Variants in MAST4 observed in about 807,000 individuals in gnomAD.
MAST4 encodes the protein microtubule associated serine/threonine kinase family member 4.
A neutral mutation model predicts 162.7 loss-of-function variants in MAST4; 89 were observed. The observed-to-expected ratio is 0.55, with a 90% CI of 0.46 to 0.65. The LOEUF is 0.65. Ranked by LOEUF, MAST4 falls within the 30% of genes least tolerant of loss-of-function variation. The pLI is 0.00. For synonymous variants in MAST4, 1,479 were observed against 1,361.1 expected, an observed-to-expected ratio of 1.09 and a Z score of -1.91; for missense variants, 3,153 against 3,374.0, an observed-to-expected ratio of 0.93 and a Z score of 1.62.
In MAST4 at chr5:67,004,056, T is replaced by C. The variant is rs564487663; in HGVS notation, c.675-50348T>C. 7 of 152,382 alleles carry C rather than the reference T, an allele frequency of 4.6e-5. No individual in the cohort carries two copies. In the East Asian group the frequency reaches 7.7e-4, roughly 17 times the overall value. The allele number at this position is 152,382 out of a possible 1,614,324, so 9.4% of individuals were successfully genotyped here. On this transcript the variant is annotated intron_variant, in intron 4 of 28. Coordinates refer to ENST00000403625, the MANE Select transcript of MAST4 (RefSeq NM_001164664.2). ...TCACTGCCATCCCTCCCGCGGTGAATCACAGGTCGGCCTCAGGTGCGCGCA... is the reference window on the plus strand; with the variant it reads ...TCACTGCCATCCCTCCCGCGGTGAACCACAGGTCGGCCTCAGGTGCGCGCA...
At chr5:67,132,072 GT>G in intron 16 of MAST4, 121 bp downstream of exon 16, 1 of 1,162,130 alleles carries the variant, frequency 8.6e-7, no homozygotes, top group Non-Finnish European at 1.2e-6. Context: ...TCCAAAATGA[GT>G]TGTTTTAACA....
chr5:66,750,876 C>G (rs1561304897), intron 1 of MAST4, among the ~76,000 whole-genome samples: 2 of 152,232 alleles, frequency 1.3e-5, no homozygotes, highest in Admixed American at 6.5e-5. Context: ...GCAGTAACCT[C>G]TGCAGACTTA....
chr5:66,747,971 G>C (rs550468578), intron 1 of MAST4, among the ~76,000 whole-genome samples: 30 of 152,292 alleles, frequency 2.0e-4, no homozygotes, highest in African/African-American at 7.2e-4. Flanking sequence ...ACCAAGGTTA[G>C]CACAGCAGAT....
intron 3 of MAST4, among the ~76,000 whole-genome samples, chr5:66,842,861 A>C (rs1325683551): frequency 6.6e-6 from 1 of 152,122 alleles, no homozygotes; most frequent in Non-Finnish European, 1.5e-5. Flanking sequence ...TTTCATGCAC[A>C]TTCTATTATT....
At position 67,149,591 on chromosome 5, in the gene MAST4, T is replaced by C; in HGVS notation, c.3295+2T>C. On this transcript the variant is annotated splice_donor_variant, in intron 24 of 28. Coordinates refer to ENST00000403625, the MANE Select transcript of MAST4 (RefSeq NM_001164664.2). LOFTEE classifies it high-confidence loss of function. ...CTCTTTCCCTCATGATCCCAGGAGG[T>C]AGAGAGATACTACTTGCATGAAATT... 6.2e-7 allele frequency: 1 copy of C among 1,612,710 alleles called. No individual in the cohort carries two copies.
At position 67,100,561 on chromosome 5, in the gene MAST4, A is replaced by T. The variant is rs773966482; in HGVS notation, c.1039A>T (p.Thr347Ser). 8 of 1,613,902 alleles carry T rather than the reference A, an allele frequency of 5.0e-6. No individual in the cohort carries two copies. In the East Asian group the frequency reaches 1.6e-4, roughly 31 times the overall value. ...SIATENRCRN[T>S]PMRPRSRSLS... The stretch of plus-strand genomic sequence containing the variant: ...CGCCACTGAGAACAGATGCAGGAAC[A>T]CGCCGATGCGCCCCCGTTCCCGAAG... Residue 347 changes from threonine (T) to serine (S), a missense_variant, in exon 8 of 29, where the codon ACG becomes TCG. Thr to Ser is a moderately conservative substitution (Grantham distance 58). Around this residue, in one of 7 missense-constraint regions of MAST4, gnomAD observed 360 missense variants for 450.0 expected, o/e 0.80. Coordinates refer to ENST00000403625, the MANE Select transcript of MAST4 (RefSeq NM_001164664.2).
intron 1 of MAST4, among the ~76,000 whole-genome samples, chr5:66,605,755 A>C (rs777521157): frequency 4.6e-5 from 7 of 152,142 alleles, no homozygotes; most frequent in Non-Finnish European, 7.4e-5. Context: ...GCCACGATGC[A>C]TGCAGATTCC....
At chr5:66,748,341 A>G (rs925592066) in intron 1 of MAST4, among the ~76,000 whole-genome samples, 1 of 150,956 alleles carries the variant, frequency 6.6e-6, no homozygotes, top group African/African-American at 2.4e-5. Context: ...GCCCTTCTTT[A>G]CTTGTTTATA....
At chr5:67,101,322 G>A (rs979526347) in intron 8 of MAST4, among the ~76,000 whole-genome samples, 6 of 152,216 alleles carry the variant, frequency 3.9e-5, no homozygotes, top group African/African-American at 1.4e-4. Flanking sequence ...TGGGCCAAAT[G>A]CGACTTCTTT....
intron 4 of MAST4, among the ~76,000 whole-genome samples, chr5:66,984,757 T>C (rs765239034): frequency 9.9e-5 from 7 of 71,032 alleles, no homozygotes; most frequent in Non-Finnish European, 1.9e-4. Context: ...AGTTGGAGGA[T>C]GGGGGCGGGG....
chr5:67,163,448 C>T lies in MAST4; in HGVS notation c.4269C>T (p.Ile1423=), dbSNP rs1272187840. The T allele has an allele frequency of 1.2e-6, 2 of 1,613,350 alleles. No homozygotes were observed. Among genetic ancestry groups the T allele is most frequent in the African/African-American group, 1.3e-5 (1 of 74,936 alleles). The change falls in exon 29 of 29, where the codon ATC becomes ATT. Residue 1423 remains isoleucine (I), a synonymous_variant. Transcript: ENST00000403625. This position sits in a 1 kb window ranked among gnomAD's most constrained non-coding sequence, Gnocchi z 7.0. ...GCAAGATGCACTCCCCGCCCACCAT[C>T]GTCAGACACATCGTGAGGCCCAAGA... ...FPSKMHSPPT[I]VRHIVRPKSA...
rs1319298660 is a variant in MAST4 at position 66,845,122 on chromosome 5, T to TAC, written c.643-54828_643-54827insCA. Among the ~76,000 whole-genome samples the TAC allele has an allele frequency of 4.2e-4, 45 of 106,336 alleles. No individual in the cohort carries two copies. The South Asian group carries it at 4.8e-3, about 11-fold the overall frequency. 69.8% of individuals were successfully genotyped at this position (106,336 alleles called of 152,430 possible). A position where few individuals can be genotyped will look rare whatever the true frequency, so the allele number is the denominator to read the frequency against. On this transcript the variant is annotated intron_variant, in intron 3 of 28. Coordinates refer to ENST00000403625, the MANE Select transcript of MAST4 (RefSeq NM_001164664.2). ...ATATATATATATATATATATATATA[T>TAC]ATATACACACACACACTTGAAGTTC...
intron 4 of MAST4, among the ~76,000 whole-genome samples, chr5:67,038,827 T>G (rs1756362792): frequency 6.6e-6 from 1 of 152,206 alleles, no homozygotes; most frequent in Admixed American, 6.5e-5. Flanking sequence ...AATAGTACAA[T>G]GTGGTTTTGC....
At chr5:66,995,293 T>TAAAA (rs1750505213) in intron 4 of MAST4, among the ~76,000 whole-genome samples, 1 of 152,172 alleles carries the variant, frequency 6.6e-6, no homozygotes, top group African/African-American at 2.4e-5. Context: ...GTGTGTATTG[T>TAAAA]TTTCTTAAGT....
chr5:66,743,724 T>A lies in MAST4; in HGVS notation c.364-15985T>A, dbSNP rs566484315. Among the ~76,000 whole-genome samples, 34 of 152,336 alleles carry A rather than the reference T, an allele frequency of 2.2e-4. No individual in the cohort carries two copies. The South Asian group carries it at 6.4e-3, about 29-fold the overall frequency. On this transcript the variant is annotated intron_variant, in intron 1 of 28. Transcript: ENST00000403625. ...ATAGCAGGGCAGAAACCCAGTCAGATAGAATTCAGGGGTAAGACGGATCTA... is the reference window on the plus strand; with the variant it reads ...ATAGCAGGGCAGAAACCCAGTCAGAAAGAATTCAGGGGTAAGACGGATCTA...
intron 3 of MAST4, among the ~76,000 whole-genome samples, chr5:66,832,914 T>A (rs1757712504): frequency 6.6e-6 from 1 of 152,198 alleles, no homozygotes. Context: ...ATGAACTTTT[T>A]GCAGTTGTGG....
At chr5:67,021,417 A>G (rs1358603148) in intron 4 of MAST4, among the ~76,000 whole-genome samples, 2 of 152,214 alleles carry the variant, frequency 1.3e-5, no homozygotes, top group African/African-American at 2.4e-5. Context: ...AGTCCAGTCT[A>G]TGCTTCTTCA....
At chr5:66,813,520 G>T (rs1380461350) in intron 3 of MAST4, among the ~76,000 whole-genome samples, 3 of 152,160 alleles carry the variant, frequency 2.0e-5, no homozygotes, top group African/African-American at 7.2e-5. Context: ...GTACTTTTCG[G>T]CCATCTCTGC....
intron 1 of MAST4, among the ~76,000 whole-genome samples, chr5:66,687,682 G>T (rs1261864225): frequency 6.9e-6 from 1 of 145,878 alleles, no homozygotes; most frequent in African/African-American, 2.6e-5. Context: ...CTATCTATAC[G>T]CACCACATTT....
Sources: allele counts gnomAD v4.1 joint callset (sites outside exome capture counted in the v4.1 genomes callset), GRCh38; gene constraint gnomAD v4.1.1; regional missense constraint gnomAD v4.1.1; non-coding constraint Gnocchi (gnomAD v3.1); transcripts MANE v1.5; gene names NCBI Gene and HGNC (gene_info 2026-07-23, HGNC 2026-07-21).